NF2: variants seen among roughly 807,000 people sequenced by gnomAD.
NF2 encodes the protein NF2, moesin-ezrin-radixin like (MERLIN) tumor suppressor.
In NF2, 8 loss-of-function variants were observed where a neutral mutation model predicts 83.7. The observed-to-expected ratio is 0.10, with a 90% CI of 0.06 to 0.17. NF2 has a LOEUF of 0.17. Ranked by LOEUF, NF2 falls within the 10% of genes least tolerant of loss-of-function variation. The pLI is 1.00. For synonymous variants in NF2, 266 were observed against 269.6 expected (o/e 0.99, Z 0.13); for missense variants, 533 against 744.4 (o/e 0.72, Z 3.31).
intron 6 of NF2, among the ~76,000 whole-genome samples, chr22:29,656,444 A>T (rs1349632260): frequency 1.7e-5 from 2 of 116,274 alleles, no homozygotes; most frequent in African/African-American, 6.9e-5. Context: ...ACGGAGTCTC[A>T]CTCAGTCACC....
At chr22:29,655,854 C>T (rs1223996522) in intron 6 of NF2, among the ~76,000 whole-genome samples, 178 bp downstream of exon 6, 1 of 151,654 alleles carries the variant, frequency 6.6e-6, no homozygotes, top group African/African-American at 2.4e-5. Flanking sequence ...TTGTGTGTGT[C>T]CTTTTCTAGT....
intron 15 of NF2, among the ~76,000 whole-genome samples, chr22:29,688,443 T>C (rs1025345923): frequency 1.3e-5 from 2 of 152,202 alleles, no homozygotes; most frequent in Admixed American, 1.3e-4. Flanking sequence ...TCTTTTGATG[T>C]TGGCAATTTT....
chr22:29,678,346 CTGTGG>C (rs2067030107), intron 14 of NF2, 23 bp downstream of exon 14: 1 of 1,611,202 alleles, frequency 6.2e-7, no homozygotes, highest in South Asian at 1.1e-5. Flanking sequence ...CTGTGCCCTG[CTGTGG>C]GCAGCTGTGA....
At chr22:29,610,472 A>G (rs2064921528) in intron 1 of NF2, among the ~76,000 whole-genome samples, 1 of 152,000 alleles carries the variant, frequency 6.6e-6, no homozygotes, top group Admixed American at 6.6e-5. Context: ...GTGAAACCCC[A>G]TCTCTACTAA....
intron 8 of NF2, among the ~76,000 whole-genome samples, chr22:29,662,327 A>G (rs2066503278): frequency 6.6e-6 from 1 of 151,992 alleles, no homozygotes; most frequent in South Asian, 2.1e-4. Context: ...GTTTTGCCAC[A>G]TTGCCCACCA....
intron 12 of NF2, 52 bp downstream of exon 12, chr22:29,673,538 G>T: frequency 6.4e-7 from 1 of 1,557,464 alleles, no homozygotes; most frequent in South Asian, 1.2e-5. Flanking sequence ...AAGGGCCGCA[G>T]ACCAGCCTGC....
Position 29,696,455 on chromosome 22 carries a change from A to G in NF2, c.*1653A>G, listed in dbSNP as rs955900913. ...GTGATTTGTCTTAATCAGATAAAAGATAGAGGCTATGGGGGCCTCAAGATT... is the reference window on the plus strand; with the variant it reads ...GTGATTTGTCTTAATCAGATAAAAGGTAGAGGCTATGGGGGCCTCAAGATT... On this transcript the variant is annotated 3_prime_UTR_variant, in exon 16 of 16. Transcript: ENST00000338641. 4 of 221,234 alleles carry G rather than the reference A, an allele frequency of 1.8e-5. No individual in the cohort carries two copies. The highest frequency in any genetic ancestry group is 9.0e-5 in the African/African-American group (4 of 44,652). The allele number at this position is 221,234 out of a possible 1,614,324, so 13.7% of individuals were successfully genotyped here.
chr22:29,611,403 T>C (rs2064949545), intron 1 of NF2, among the ~76,000 whole-genome samples: 1 of 151,904 alleles, frequency 6.6e-6, no homozygotes, highest in Non-Finnish European at 1.5e-5. Flanking sequence ...GGTGCATACC[T>C]ATAATTGTAG....
At chr22:29,680,768 G>A (rs986034799) in intron 14 of NF2, among the ~76,000 whole-genome samples, 1 of 152,152 alleles carries the variant, frequency 6.6e-6, no homozygotes, top group African/African-American at 2.4e-5. Context: ...ATCACGTGAA[G>A]CTGGGCGCTG....
rs1245253860 is a variant in NF2 at position 29,660,227 on chromosome 22, G to A, written c.676-978G>A. Among the ~76,000 whole-genome samples, 6 of 152,306 alleles carry A rather than the reference G, an allele frequency of 3.9e-5. No individual in the cohort carries two copies. In the East Asian group the frequency reaches 1.2e-3, roughly 29 times the overall value. ...GCTGTGGGAGCCCAGGGCACCCGCC[G>A]CGGGCTGCTCTGACTGCTGGCCAGG... On this transcript the variant is annotated intron_variant, in intron 7 of 15. Coordinates refer to ENST00000338641, the MANE Select transcript of NF2 (RefSeq NM_000268.4).
intron 1 of NF2, among the ~76,000 whole-genome samples, chr22:29,622,331 G>A (rs2065235742): frequency 6.6e-6 from 1 of 152,116 alleles, no homozygotes; most frequent in Admixed American, 6.5e-5. Context: ...GACATTTTCT[G>A]TAAGTGAATC....
chr22:29,644,944 G>T (rs1046392426), intron 4 of NF2, among the ~76,000 whole-genome samples: 12 of 152,080 alleles, frequency 7.9e-5, no homozygotes, highest in Non-Finnish European at 1.0e-4. Context: ...TGGGGAGAGG[G>T]AGACCATGGG....
chr22:29,656,224 G>A (rs1421883560), intron 6 of NF2, among the ~76,000 whole-genome samples: 1 of 152,004 alleles, frequency 6.6e-6, no homozygotes, highest in Non-Finnish European at 1.5e-5. Flanking sequence ...AGAGGCGTGA[G>A]CTGAGCCACT....
chr22:29,685,452 A>C (rs2067247589), intron 15 of NF2, among the ~76,000 whole-genome samples: 1 of 151,138 alleles, frequency 6.6e-6, no homozygotes, highest in African/African-American at 2.4e-5. Flanking sequence ...GTTTTGTTTG[A>C]GACAGGATCT....
rs2067189865 is a variant in NF2 at position 29,683,150 on chromosome 22, C to T, written c.1737+1549C>T. ...GTGCATGAGCTTGCCTGTCTCTGTC[C>T]TCGGGCCACACTGAGCCCTTACGAG... On this transcript the variant is annotated intron_variant, in intron 15 of 15. Coordinates refer to ENST00000338641, the MANE Select transcript of NF2 (RefSeq NM_000268.4). 3.1e-6 allele frequency: 5 copies of T among 1,613,712 alleles called. 1 individual carries two copies. In the South Asian group the frequency reaches 3.3e-5, roughly 11 times the overall value.
Position 29,628,140 on chromosome 22 carries a change from C to CTGTGTGTGTGTG in NF2, c.115-8577_115-8566dup, listed in dbSNP as rs3138701. The stretch of plus-strand genomic sequence containing the variant: ...TTGCCAGGGTTCTGGGAGACTTAAT[C>CTGTGTGTGTGTG]TGTGTGTGTGTGTGTGTGTGTGTGT... On this transcript the variant is annotated intron_variant, in intron 1 of 15. Transcript: ENST00000338641. 4.1e-3 allele frequency among the ~76,000 whole-genome samples: 578 copies of CTGTGTGTGTGTG among 139,740 alleles called. 2 individuals are homozygous for CTGTGTGTGTGTG. Among genetic ancestry groups the CTGTGTGTGTGTG allele is most frequent in the African/African-American group, 0.014 (530 of 37,388 alleles). 91.7% of individuals were successfully genotyped at this position (139,740 alleles called of 152,430 possible). A position where few individuals can be genotyped will look rare whatever the true frequency, so the allele number is the denominator to read the frequency against.
chr22:29,617,449 C>T (rs997483520), intron 1 of NF2, among the ~76,000 whole-genome samples: 2 of 152,090 alleles, frequency 1.3e-5, no homozygotes, highest in Admixed American at 6.6e-5. Context: ...CTGGCCTCTA[C>T]CTACTAGATG....
At chr22:29,627,918 G>A (rs559158795) in intron 1 of NF2, among the ~76,000 whole-genome samples, 1 of 152,262 alleles carries the variant, frequency 6.6e-6, no homozygotes, top group East Asian at 1.9e-4. Flanking sequence ...CACCAAAGGG[G>A]TAAAATATAT....
chr22:29,634,084 C>T (rs1410736755), intron 1 of NF2, among the ~76,000 whole-genome samples: 3 of 152,164 alleles, frequency 2.0e-5, no homozygotes, highest in African/African-American at 7.2e-5. Context: ...GGAAAAGAGG[C>T]ACTCTAGGGT....
Sources: gnomAD v4.1 joint callset for allele counts (sites outside exome capture counted in the v4.1 genomes callset) on GRCh38, gnomAD v4.1.1 for gene constraint, MANE v1.5 for transcripts, NCBI Gene and HGNC (gene_info 2026-07-23, HGNC 2026-07-21) for gene names.